FBXL17: variants seen among roughly 807,000 people sequenced by gnomAD.
FBXL17 encodes F-box and leucine rich repeat protein 17, also known as F-box/LRR-repeat protein 17.
FBXL17 carries 22 observed loss-of-function variants against 66.2 expected under a neutral mutation model. That is an observed-to-expected ratio of 0.33 (90% CI 0.24 to 0.47). The LOEUF (loss-of-function observed/expected upper bound fraction) is 0.47, where lower values mean the gene tolerates loss of function less well. Ranked by LOEUF, FBXL17 falls within the 20% of genes least tolerant of loss-of-function variation. FBXL17 has a pLI of 1.00. For missense variants in FBXL17, 878 were observed against 948.2 expected, an observed-to-expected ratio of 0.93 and a Z score of 0.97; for synonymous variants, 474 against 400.5, an observed-to-expected ratio of 1.18 and a Z score of -2.19.
At chr5:107,934,905 T>C (rs11745356) in intron 7 of FBXL17, among the ~76,000 whole-genome samples, 57,397 of 152,018 alleles carry the variant, frequency 0.38, 11,580 homozygotes, top group East Asian at 0.58. Flanking sequence ...TAGGTGACAA[T>C]CGCTGGCCTA....
At chr5:108,348,697 T>G (rs558610748) in intron 3 of FBXL17, among the ~76,000 whole-genome samples, 167 bp from the exon 4 acceptor site, 1 of 152,310 alleles carries the variant, frequency 6.6e-6, no homozygotes, top group South Asian at 2.1e-4. Flanking sequence ...AACAGTACTG[T>G]ATAAACATTT....
chr5:108,314,877 T>A (rs1021174770), intron 4 of FBXL17, among the ~76,000 whole-genome samples: 1 of 151,452 alleles, frequency 6.6e-6, no homozygotes, highest in Non-Finnish European at 1.5e-5. Flanking sequence ...ACAGGTATCA[T>A]AATACTAATT....
chr5:108,234,790 T>C (rs1755524533), intron 4 of FBXL17, among the ~76,000 whole-genome samples: 1 of 152,178 alleles, frequency 6.6e-6, no homozygotes, highest in Non-Finnish European at 1.5e-5. Context: ...TTGAAGAAGC[T>C]GCATTAGTGG....
chr5:108,344,160 A>G (rs1196067878), intron 4 of FBXL17, among the ~76,000 whole-genome samples: 2 of 147,072 alleles, frequency 1.4e-5, no homozygotes, highest in Non-Finnish European at 3.0e-5. Context: ...CTCCCCTTAA[A>G]ATGCTTTCAG....
chr5:108,047,944 A>G (rs1747320901), intron 6 of FBXL17, among the ~76,000 whole-genome samples: 1 of 152,228 alleles, frequency 6.6e-6, no homozygotes, highest in Non-Finnish European at 1.5e-5. Context: ...AGGAACAGTC[A>G]AAGTGCCTCA....
At chr5:107,930,420 CCTT>C (rs1298665317) in intron 7 of FBXL17, among the ~76,000 whole-genome samples, 4 of 152,212 alleles carry the variant, frequency 2.6e-5, no homozygotes, top group African/African-American at 9.6e-5. Flanking sequence ...TCAAGAAAAG[CCTT>C]CTCTGACAAT....
rs188356554 is a variant in FBXL17 at position 108,020,179 on chromosome 5, G to C, written c.1822+746C>G. ...TTTAAATGAAAAAATCAAAAAGTCA[G>C]AGAAAATAAACGAAAACCATTTCAT... On this transcript the variant is annotated intron_variant, in intron 7 of 8. Transcript: ENST00000542267. 1.7e-3 allele frequency among the ~76,000 whole-genome samples: 265 copies of C among 151,846 alleles called. 2 individuals carry two copies. The highest frequency in any genetic ancestry group is 5.8e-3 in the African/African-American group (241 of 41,510).
intron 4 of FBXL17, among the ~76,000 whole-genome samples, chr5:108,304,152 A>G (rs1758727626): frequency 6.6e-6 from 1 of 151,996 alleles, no homozygotes; most frequent in African/African-American, 2.4e-5. Flanking sequence ...GGCATTAAAC[A>G]CTTTGATAGT....
At position 108,195,364 on chromosome 5, in the gene FBXL17, T is replaced by C. The variant is rs1309505610; in HGVS notation, c.1615-9117A>G. On this transcript the variant is annotated intron_variant, in intron 5 of 8. Coordinates refer to ENST00000542267, the MANE Select transcript of FBXL17 (RefSeq NM_001163315.3). ...GAAGGAGCAAACAAAGCCAGGCTGATATCTGGGGCAAGAGTTAGGACAGTG... is the reference window on the plus strand; with the variant it reads ...GAAGGAGCAAACAAAGCCAGGCTGACATCTGGGGCAAGAGTTAGGACAGTG... 3.3e-5 allele frequency among the ~76,000 whole-genome samples: 5 copies of C among 152,206 alleles called. No homozygotes were observed. The East Asian group carries it at 5.8e-4, about 18-fold the overall frequency.
chr5:108,191,795 C>T (rs1374296224), intron 5 of FBXL17, among the ~76,000 whole-genome samples: 2 of 152,174 alleles, frequency 1.3e-5, no homozygotes, highest in Non-Finnish European at 1.5e-5. Flanking sequence ...ATAAATAAAA[C>T]ATTTCTCACT....
intron 7 of FBXL17, among the ~76,000 whole-genome samples, chr5:108,018,909 C>A (rs540496418): frequency 5.4e-4 from 82 of 152,254 alleles, no homozygotes; most frequent in Middle Eastern, 3.4e-3. Context: ...GAGGCTTATA[C>A]GTCAATATGT....
intron 6 of FBXL17, among the ~76,000 whole-genome samples, chr5:108,111,919 T>C (rs1001891467): frequency 4.6e-5 from 7 of 152,126 alleles, no homozygotes; most frequent in East Asian, 3.9e-4. Context: ...TGACACACAT[T>C]GAACAAGGGG....
intron 8 of FBXL17, among the ~76,000 whole-genome samples, chr5:107,869,247 T>C (rs568430081): frequency 6.6e-6 from 1 of 152,286 alleles, no homozygotes; most frequent in East Asian, 1.9e-4. Context: ...ACAATACGCC[T>C]CTGGAGCCTG....
chr5:107,916,523 T>C (rs1215593099), intron 7 of FBXL17, among the ~76,000 whole-genome samples: 1 of 152,206 alleles, frequency 6.6e-6, no homozygotes. Context: ...ATTTGGAATA[T>C]ACAATTTCAG....
intron 6 of FBXL17, among the ~76,000 whole-genome samples, chr5:108,116,664 TA>T (rs951281021): frequency 1.3e-5 from 2 of 150,890 alleles, no homozygotes; most frequent in African/African-American, 2.4e-5. Context: ...ATAATAATAA[TA>T]AAAAAATAAT....
chr5:108,323,287 A>G (rs1254376507), intron 4 of FBXL17, among the ~76,000 whole-genome samples: 1 of 151,886 alleles, frequency 6.6e-6, no homozygotes, highest in East Asian at 1.9e-4. Context: ...ATAAAAAATC[A>G]GGTGCATTTC....
intron 4 of FBXL17, among the ~76,000 whole-genome samples, chr5:108,333,324 T>TA (rs1405533098): frequency 6.6e-6 from 1 of 152,018 alleles, no homozygotes; most frequent in Non-Finnish European, 1.5e-5. Context: ...AGATGTAAGG[T>TA]TACCTGAGAG....
intron 4 of FBXL17, among the ~76,000 whole-genome samples, chr5:108,273,784 T>C (rs1242822987): frequency 6.6e-6 from 1 of 152,034 alleles, no homozygotes; most frequent in Non-Finnish European, 1.5e-5. Context: ...TGTGGAATAA[T>C]AAAGAGTATA....
At chr5:108,337,553 T>C (rs1249609131) in intron 4 of FBXL17, among the ~76,000 whole-genome samples, 1 of 152,010 alleles carries the variant, frequency 6.6e-6, no homozygotes, top group Non-Finnish European at 1.5e-5. Flanking sequence ...AAGAACTAAC[T>C]AAATACAGGA....
Sources: allele counts gnomAD v4.1 joint callset (sites outside exome capture counted in the v4.1 genomes callset), GRCh38; gene constraint gnomAD v4.1.1; transcripts MANE v1.5; gene names NCBI Gene and HGNC (gene_info 2026-07-23, HGNC 2026-07-21).